UBE2R2: variants seen among roughly 807,000 people sequenced by gnomAD.
UBE2R2 encodes ubiquitin conjugating enzyme E2 R2.
A neutral mutation model predicts 27.8 loss-of-function variants in UBE2R2; 1 was observed. The observed-to-expected ratio is 0.04, with a 90% CI of 0.01 to 0.17. The LOEUF is 0.17. UBE2R2 is among the 10% of genes least tolerant of loss of function. UBE2R2 has a pLI of 1.00. For synonymous variants in UBE2R2, 106 were observed against 113.3 expected (o/e 0.94, Z 0.41); for missense variants, 100 against 291.0 (o/e 0.34, Z 4.78).
At chr9:33,821,043 G>C (rs1264347318) in intron 1 of UBE2R2, among the ~76,000 whole-genome samples, 1 of 152,100 alleles carries the variant, frequency 6.6e-6, no homozygotes, top group East Asian at 1.9e-4. Context: ...CTATCTTTTT[G>C]TGTAGTTTCT....
chr9:33,848,903 G>A lies in UBE2R2; in HGVS notation c.177+30969G>A, dbSNP rs117501763. ...ACATGCATGAGCTACCACACCCGCC[G>A]AGTCTAATCTTAAAATGAGAAAGTT... On this transcript the variant is annotated intron_variant, in intron 1 of 4. Coordinates refer to ENST00000263228, the MANE Select transcript of UBE2R2 (RefSeq NM_017811.4). Among the ~76,000 whole-genome samples the A allele has an allele frequency of 2.0e-3, 301 of 151,384 alleles. 6 individuals carry two copies. The East Asian group carries it at 0.056, about 28-fold the overall frequency.
intron 3 of UBE2R2, among the ~76,000 whole-genome samples, chr9:33,900,822 C>T (rs1031754085): frequency 1.3e-5 from 2 of 152,162 alleles, no homozygotes; most frequent in African/African-American, 4.8e-5. Context: ...CCCCACTTGG[C>T]CTCCCAAAGC....
chr9:33,910,992 T>A (rs910258005), intron 3 of UBE2R2, among the ~76,000 whole-genome samples: 1 of 152,066 alleles, frequency 6.6e-6, no homozygotes, highest in Non-Finnish European at 1.5e-5. Flanking sequence ...TAATCCCAGC[T>A]ACTCAGGAGG....
intron 1 of UBE2R2, chr9:33,818,673 C>T (rs1227185790): frequency 1.3e-5 from 2 of 152,144 alleles, no homozygotes; most frequent in Non-Finnish European, 2.9e-5. Context: ...CACCATGCCA[C>T]CAAGTTTGCC....
upstream of UBE2R2, among the ~76,000 whole-genome samples, chr9:33,817,127 C>T (rs1286695171): frequency 6.6e-6 from 1 of 151,660 alleles, no homozygotes; most frequent in Admixed American, 6.6e-5. Flanking sequence ...GCGTGCGCCC[C>T]TCCTCCCTCT....
chr9:33,911,190 C>T (rs985638519), intron 3 of UBE2R2, among the ~76,000 whole-genome samples: 3 of 151,738 alleles, frequency 2.0e-5, no homozygotes, highest in Admixed American at 6.6e-5. Flanking sequence ...GGGCGGATCA[C>T]CTGAGGTCAG....
intron 1 of UBE2R2, among the ~76,000 whole-genome samples, chr9:33,849,842 A>G (rs1820925910): frequency 6.6e-6 from 1 of 152,084 alleles, no homozygotes; most frequent in Non-Finnish European, 1.5e-5. Context: ...AGCCTGGGCA[A>G]CAGAACCAGA....
rs145297854 is a variant in UBE2R2, at chr9:33,918,557, G to A, written c.*1320G>A. On this transcript the variant is annotated 3_prime_UTR_variant, in exon 5 of 5. Transcript: ENST00000263228. ...AGCTTTGATTTTCCAGATCTCAATC[G>A]TGTTGCTTCAATCAATATTGAGATC... 1 of 152,090 alleles carries A rather than the reference G, an allele frequency of 6.6e-6. No homozygotes were observed. The highest frequency in any genetic ancestry group is 2.4e-5 in the African/African-American group (1 of 41,388). The allele number at this position is 152,090 out of a possible 1,614,324, so 9.4% of individuals were successfully genotyped here.
intron 1 of UBE2R2, among the ~76,000 whole-genome samples, chr9:33,837,260 T>G (rs915035051): frequency 6.6e-6 from 1 of 152,076 alleles, no homozygotes; most frequent in Non-Finnish European, 1.5e-5. Flanking sequence ...GCTTTGTGGC[T>G]TAGGCTGGAG....
intron 1 of UBE2R2, among the ~76,000 whole-genome samples, chr9:33,822,899 C>A (rs1208603164): frequency 7.0e-6 from 1 of 142,348 alleles, no homozygotes; most frequent in Admixed American, 7.1e-5. Context: ...TTTTCTTCTT[C>A]TTATTAATTT....
intron 1 of UBE2R2, among the ~76,000 whole-genome samples, chr9:33,834,964 TAGAA>T (rs1255510795): frequency 6.6e-6 from 1 of 151,180 alleles, no homozygotes; most frequent in African/African-American, 2.4e-5. Flanking sequence ...GATAAACAAA[TAGAA>T]AAAGAGAGAA....
chr9:33,915,786 A>T (rs1218384064), intron 4 of UBE2R2, among the ~76,000 whole-genome samples: 2 of 152,176 alleles, frequency 1.3e-5, no homozygotes, highest in Non-Finnish European at 2.9e-5. Flanking sequence ...GTGAGCAAGC[A>T]AAAAATACTA....
chr9:33,831,104 G>A (rs1383692154), intron 1 of UBE2R2: 3 of 148,130 alleles, frequency 2.0e-5, no homozygotes, highest in African/African-American at 7.4e-5. Context: ...AAAAGAATAG[G>A]TAAAGTTATA....
intron 3 of UBE2R2, among the ~76,000 whole-genome samples, chr9:33,905,659 A>T (rs968748056): frequency 4.6e-5 from 7 of 152,220 alleles, no homozygotes; most frequent in Admixed American, 6.5e-5. Flanking sequence ...TAAACCCGTT[A>T]AGCTACTATA....
chr9:33,845,205 C>T (rs112987610), intron 1 of UBE2R2, among the ~76,000 whole-genome samples: 6,170 of 150,454 alleles, frequency 0.041, 160 homozygotes, highest in Non-Finnish European at 0.059. Context: ...GTTTTTGAGA[C>T]GGAGTTTCAC....
chr9:33,913,760 T>C (rs1174083618), intron 4 of UBE2R2, among the ~76,000 whole-genome samples: 1 of 152,172 alleles, frequency 6.6e-6, no homozygotes, highest in East Asian at 1.9e-4. Context: ...CTGAGTAATA[T>C]AAAATCAGCA....
intron 1 of UBE2R2, among the ~76,000 whole-genome samples, chr9:33,825,990 A>G (rs1353807319): frequency 1.3e-5 from 2 of 152,084 alleles, no homozygotes; most frequent in Non-Finnish European, 2.9e-5. Flanking sequence ...TAAAAATACA[A>G]AAAGTAGCCG....
At chr9:33,890,307 C>T (rs1821950553) in intron 2 of UBE2R2, among the ~76,000 whole-genome samples, 1 of 152,078 alleles carries the variant, frequency 6.6e-6, no homozygotes, top group African/African-American at 2.4e-5. Flanking sequence ...AGTGATAGGC[C>T]GGGCGCAGTG....
intron 1 of UBE2R2, among the ~76,000 whole-genome samples, chr9:33,871,384 C>T (rs899392527): frequency 1.3e-5 from 2 of 151,980 alleles, no homozygotes; most frequent in African/African-American, 2.4e-5. Context: ...CTGATGAGTT[C>T]GGTGATTTCA....
Sources: allele counts gnomAD v4.1 joint callset (sites outside exome capture counted in the v4.1 genomes callset), GRCh38; gene constraint gnomAD v4.1.1; transcripts MANE v1.5; gene names NCBI Gene and HGNC (gene_info 2026-07-23, HGNC 2026-07-21).